Variants in TRERF1 observed in about 807,000 individuals in gnomAD.
TRERF1 encodes the protein transcriptional regulating factor 1, also known as transcriptional-regulating factor 1.
TRERF1 carries 27 observed loss-of-function variants against 122.9 expected under a neutral mutation model. That is an observed-to-expected ratio of 0.22 (90% CI 0.16 to 0.30). The LOEUF is 0.30. TRERF1 is among the 10% of genes least tolerant of loss of function. The probability of loss-of-function intolerance (pLI) is 1.00; values close to 1 mark genes in which losing one functional copy is unlikely to be tolerated. For synonymous variants in TRERF1, 636 were observed against 641.7 expected, an observed-to-expected ratio of 0.99 and a Z score of 0.13; for missense variants, 1,248 against 1,560.3, an observed-to-expected ratio of 0.80 and a Z score of 3.37.
At position 42,268,851 on chromosome 6, in the gene TRERF1, C is replaced by G. The variant is rs1779717845; in HGVS notation, c.740G>C (p.Gly247Ala). ...CTGTGGGGCCTGCAGTGGCTGTCCTCCCTGCACTGGCACCTGAGCCAGAGG... is the reference window on the plus strand; with the variant it reads ...CTGTGGGGCCTGCAGTGGCTGTCCTGCCTGCACTGGCACCTGAGCCAGAGG... The change falls in exon 5 of 18, where the codon GGA becomes GCA. Residue 247 changes from glycine (G) to alanine (A), a missense_variant. Coordinates refer to ENST00000372922, the Ensembl canonical transcript of TRERF1. The surrounding 1 kb of genome is among the most constrained non-coding windows in gnomAD (Gnocchi z 4.4). 1.9e-6 allele frequency: 3 copies of G among 1,614,002 alleles called. No individual in the cohort carries two copies. Among genetic ancestry groups the G allele is most frequent in the Non-Finnish European group, 2.5e-6 (3 of 1,180,026 alleles).
chr6:42,295,515 T>C (rs775151518), intron 4 of TRERF1, among the ~76,000 whole-genome samples: 5 of 152,162 alleles, frequency 3.3e-5, no homozygotes, highest in Non-Finnish European at 7.4e-5. Flanking sequence ...CCCCAGTTCC[T>C]ACCACTTCTA....
intron 2 of TRERF1, among the ~76,000 whole-genome samples, chr6:42,406,686 C>T (rs1268495839): frequency 2.6e-5 from 4 of 152,140 alleles, no homozygotes; most frequent in Admixed American, 2.6e-4. Context: ...AGCCCCTTGC[C>T]CTGAGTGGCC....
rs1372450175 is a variant in TRERF1, at chr6:42,228,089, C to CA, written c.*255dup. Reference sequence around the variant, plus strand: ...CTTCAGTCCCTACTGGGAATGATTTCATGAGAAGGTAGCCCAGATGAAACA... The same window carrying CA: ...CTTCAGTCCCTACTGGGAATGATTTCAATGAGAAGGTAGCCCAGATGAAACA... On this transcript the variant is annotated 3_prime_UTR_variant, in exon 18 of 18. Transcript: ENST00000372922. This position sits in a 1 kb window ranked among gnomAD's most constrained non-coding sequence, Gnocchi z 4.2. 1 of 375,698 alleles carries CA rather than the reference C, an allele frequency of 2.7e-6. No individual in the cohort carries two copies. Among genetic ancestry groups the CA allele is most frequent in the Non-Finnish European group, 4.8e-6 (1 of 210,018 alleles). The allele number at this position is 375,698 out of a possible 1,614,324, so 23.3% of individuals were successfully genotyped here.
chr6:42,376,528 G>A (rs536622200), intron 2 of TRERF1, among the ~76,000 whole-genome samples: 4 of 146,790 alleles, frequency 2.7e-5, no homozygotes, highest in Admixed American at 6.8e-5. Context: ...ATGACTTTTC[G>A]TCTAATTCTT....
At chr6:42,318,011 G>T (rs754814685) in intron 3 of TRERF1, among the ~76,000 whole-genome samples, 1 of 152,006 alleles carries the variant, frequency 6.6e-6, no homozygotes, top group African/African-American at 2.4e-5. Context: ...AAAATTAGCT[G>T]GGCGTGGTGG....
chr6:42,429,731 G>A (rs115810157), intron 2 of TRERF1, among the ~76,000 whole-genome samples: 3,414 of 152,216 alleles, frequency 0.022, 61 homozygotes, highest in Middle Eastern at 0.037. Flanking sequence ...CGAGGGCTTC[G>A]GATGCAGCAG....
intron 3 of TRERF1, among the ~76,000 whole-genome samples, chr6:42,336,964 G>A (rs936441210): frequency 6.6e-6 from 1 of 152,222 alleles, no homozygotes; most frequent in East Asian, 1.9e-4. Flanking sequence ...TCTAGCAAGC[G>A]CCAGAGAGAG....
intron 3 of TRERF1, among the ~76,000 whole-genome samples, chr6:42,341,249 GC>G (rs1302395635): frequency 1.3e-5 from 2 of 152,228 alleles, no homozygotes; most frequent in African/African-American, 4.8e-5. Flanking sequence ...ATTAATACCT[GC>G]CCTGCAAGGG....
chr6:42,283,509 G>A (rs1037295260), intron 4 of TRERF1, among the ~76,000 whole-genome samples: 56 of 151,882 alleles, frequency 3.7e-4, no homozygotes, highest in Middle Eastern at 6.8e-3. Context: ...GAGCAGGAGG[G>A]AGATTTTTCA....
intron 4 of TRERF1, among the ~76,000 whole-genome samples, chr6:42,289,534 C>T (rs1582842181): frequency 6.6e-6 from 1 of 152,158 alleles, no homozygotes; most frequent in Non-Finnish European, 1.5e-5. Flanking sequence ...AAATTCTACA[C>T]ATTTTTGAGA....
exon 6 of TRERF1, chr6:42,265,766 C>G: frequency 6.2e-7 from 1 of 1,613,332 alleles, no homozygotes; most frequent in South Asian, 1.1e-5. Flanking sequence ...CTCAGGGGAC[C>G]CTGGCTGGGC....
At chr6:42,256,744 G>A (rs1582603422) in exon 12 of TRERF1, 1 of 1,614,006 alleles carries the variant, frequency 6.2e-7, no homozygotes. Context: ...ATCACCTTTG[G>A]CCTCAAACAG....
intron 4 of TRERF1, among the ~76,000 whole-genome samples, chr6:42,280,766 G>A (rs1035054955): frequency 3.9e-5 from 6 of 152,188 alleles, no homozygotes; most frequent in Non-Finnish European, 5.9e-5. Context: ...AGTGAGGGAG[G>A]AGGCCTGGAA....
chr6:42,412,636 G>C (rs1781277328), intron 2 of TRERF1, among the ~76,000 whole-genome samples: 1 of 152,152 alleles, frequency 6.6e-6, no homozygotes, highest in South Asian at 2.1e-4. Flanking sequence ...TACAAAGTCA[G>C]CTCAGTGGTG....
chr6:42,414,853 T>C (rs1480630574), intron 2 of TRERF1, among the ~76,000 whole-genome samples: 1 of 152,250 alleles, frequency 6.6e-6, no homozygotes, highest in African/African-American at 2.4e-5. Flanking sequence ...TGTCTTCAAT[T>C]TTCCATGATT....
intron 2 of TRERF1, among the ~76,000 whole-genome samples, chr6:42,444,752 C>T (rs1372602314): frequency 6.6e-6 from 1 of 151,958 alleles, no homozygotes; most frequent in Admixed American, 6.6e-5. Flanking sequence ...ACACAAATTA[C>T]CAACACTTCC....
At chr6:42,394,416 C>G (rs756478786) in intron 2 of TRERF1, among the ~76,000 whole-genome samples, 4 of 152,208 alleles carry the variant, frequency 2.6e-5, no homozygotes, top group Non-Finnish European at 4.4e-5. Flanking sequence ...TGAGCACCCT[C>G]CATGTGCTGT....
In TRERF1 at chr6:42,249,608, G is replaced by A. The variant is rs1016792617; in HGVS notation, c.2657-3064C>T. Among the ~76,000 whole-genome samples the A allele has an allele frequency of 5.3e-5, 8 of 152,224 alleles. No individual in the cohort carries two copies. The South Asian group carries it at 6.2e-4, about 12-fold the overall frequency. ...TAGGATTTGGTGGCTTCCTGATTCC[G>A]GAGTGTGCATTCTGTACAACTCATC... is the stretch of plus-strand genomic sequence containing the variant. On this transcript the variant is annotated intron_variant, in intron 13 of 17. Coordinates refer to ENST00000372922, the Ensembl canonical transcript of TRERF1.
chr6:42,444,186 T>TC lies in TRERF1; in HGVS notation c.-454+6990_-454+6991insG, dbSNP rs2151801886. 1.3e-5 allele frequency among the ~76,000 whole-genome samples: 2 copies of TC among 151,302 alleles called. 1 individual carries two copies. The highest frequency in any genetic ancestry group is 3.9e-4 in the East Asian group (2 of 5,178). ...ACAACAGGCAGCCTTTGCTTTTTTT[T>TC]TTTTTTTGCTTTTTTTTCTTTTGAG... On this transcript the variant is annotated intron_variant, in intron 2 of 17. Transcript: ENST00000372922.
Sources: allele counts gnomAD v4.1 joint callset (sites outside exome capture counted in the v4.1 genomes callset), GRCh38; gene constraint gnomAD v4.1.1; non-coding constraint Gnocchi (gnomAD v3.1); transcripts MANE v1.5; gene names NCBI Gene and HGNC (gene_info 2026-07-23, HGNC 2026-07-21).